Variants in HDAC9 observed in about 807,000 individuals in gnomAD.
HDAC9 encodes the protein MEF-2 interacting transcription repressor (MITR) protein.
In HDAC9, 41 loss-of-function variants were observed where a neutral mutation model predicts 139.4. The ratio of observed to expected loss-of-function variants is 0.29; its 90% CI spans 0.23 to 0.38. The LOEUF (loss-of-function observed/expected upper bound fraction) is 0.38, where lower values mean the gene tolerates loss of function less well. HDAC9 is among the 10% of genes least tolerant of loss of function. HDAC9 has a pLI of 1.00. For missense variants in HDAC9, 1,147 were observed against 1,297.0 expected (o/e 0.88, Z 1.78); for synonymous variants, 517 against 476.2 (o/e 1.09, Z -1.12).
chr7:18,295,195 A>T (rs929175803), intron 1 of HDAC9, among the ~76,000 whole-genome samples: 1 of 152,168 alleles, frequency 6.6e-6, no homozygotes, highest in Non-Finnish European at 1.5e-5. Flanking sequence ...TCCAAAATTT[A>T]GAAGACAGAG....
At chr7:18,165,379 T>C (rs79004846) in intron 2 of HDAC9, among the ~76,000 whole-genome samples, 3,173 of 152,306 alleles carry the variant, frequency 0.021, 51 homozygotes, top group Non-Finnish European at 0.034. Context: ...TGTTTCATAT[T>C]TGGAGACTAT....
intron 16 of HDAC9, among the ~76,000 whole-genome samples, chr7:18,788,919 C>T (rs1792057129): frequency 6.6e-6 from 1 of 152,048 alleles, no homozygotes; most frequent in Non-Finnish European, 1.5e-5. Context: ...TCTTTCAGGA[C>T]CAGAAGAGAT....
chr7:18,718,591 A>G (rs971771302), intron 12 of HDAC9, among the ~76,000 whole-genome samples: 1 of 152,134 alleles, frequency 6.6e-6, no homozygotes, highest in African/African-American at 2.4e-5. Context: ...ATGTTGTAGC[A>G]TGTATCACTG....
Position 19,000,590 on chromosome 7 carries a change from T to A in HDAC9, c.*4528T>A, listed in dbSNP as rs370271978. ...ACATTAAATACAATTAAGTCCGTTA[T>A]TACTATGCTGGAAATAACTAGGTCA... is the stretch of plus-strand genomic sequence containing the variant. On this transcript the variant is annotated 3_prime_UTR_variant, in exon 26 of 26. Transcript: ENST00000686413. 1 of 152,242 alleles carries A rather than the reference T, an allele frequency of 6.6e-6. No individual in the cohort carries two copies. Among genetic ancestry groups the A allele is most frequent in the East Asian group, 1.9e-4 (1 of 5,202 alleles). 9.4% of individuals were successfully genotyped at this position (152,242 alleles called of 1,614,324 possible).
At chr7:18,784,063 G>A (rs557292889) in intron 16 of HDAC9, among the ~76,000 whole-genome samples, 1 of 151,792 alleles carries the variant, frequency 6.6e-6, no homozygotes, top group African/African-American at 2.4e-5. Context: ...ATTTGAACAC[G>A]TGGCTACTTC....
chr7:18,750,761 T>A (rs932664219), intron 14 of HDAC9, among the ~76,000 whole-genome samples: 1 of 152,202 alleles, frequency 6.6e-6, no homozygotes, highest in Non-Finnish European at 1.5e-5. Flanking sequence ...GGAGAATTAT[T>A]TGTGGTAGGC....
chr7:18,988,619 G>GTTTAC (rs1486196073), intron 25 of HDAC9, among the ~76,000 whole-genome samples: 1 of 152,124 alleles, frequency 6.6e-6, no homozygotes, highest in African/African-American at 2.4e-5. Flanking sequence ...GAGTATCCTT[G>GTTTAC]TTTACTTTCT....
At chr7:18,624,680 G>C (rs1841161840) in intron 6 of HDAC9, among the ~76,000 whole-genome samples, 1 of 151,986 alleles carries the variant, frequency 6.6e-6, no homozygotes, top group Non-Finnish European at 1.5e-5. Flanking sequence ...GGGGAGACCA[G>C]AGCATTAAAA....
intron 17 of HDAC9, among the ~76,000 whole-genome samples, chr7:18,796,092 T>G (rs943168315): frequency 6.6e-6 from 1 of 152,202 alleles, no homozygotes; most frequent in African/African-American, 2.4e-5. Context: ...CATGTTACGA[T>G]ACCACATCGT....
At chr7:18,309,832 T>A (rs1040126514) in intron 1 of HDAC9, among the ~76,000 whole-genome samples, 6 of 152,146 alleles carry the variant, frequency 3.9e-5, no homozygotes, top group Non-Finnish European at 8.8e-5. Context: ...TATCTAGAGT[T>A]TTAAAAAATA....
intron 1 of HDAC9, among the ~76,000 whole-genome samples, chr7:18,334,778 T>G (rs1324170723): frequency 6.6e-6 from 1 of 151,410 alleles, no homozygotes; most frequent in Non-Finnish European, 1.5e-5. Context: ...ACAGAGGAAG[T>G]TCAGGTTCGA....
rs73069039 is a variant in HDAC9 at position 18,686,456 on chromosome 7, A to G, written c.1731+19980A>G. On this transcript the variant is annotated intron_variant, in intron 12 of 25. Coordinates refer to ENST00000686413, the MANE Select transcript of HDAC9 (RefSeq NM_178425.4). ...ATTTTTAATTCTTCTATTCATCTCT[A>G]GTTCATAAAGCTTACATCTTGTGGT... Among the ~76,000 whole-genome samples, 1,452 of 151,978 alleles carry G rather than the reference A, an allele frequency of 9.6e-3. 6 individuals carry two copies. Among genetic ancestry groups the G allele is most frequent in the Non-Finnish European group, 0.015 (1,045 of 67,868 alleles).
intron 1 of HDAC9, among the ~76,000 whole-genome samples, chr7:18,311,630 C>T (rs2128625482): frequency 6.6e-6 from 1 of 152,224 alleles, no homozygotes; most frequent in Admixed American, 6.5e-5. Context: ...GGTAGTCTGT[C>T]TCCAAAGCCC....
chr7:18,904,448 G>A (rs1374224179), intron 22 of HDAC9, among the ~76,000 whole-genome samples: 1 of 151,984 alleles, frequency 6.6e-6, no homozygotes, highest in Non-Finnish European at 1.5e-5. Flanking sequence ...ATATGTCACA[G>A]GGATGAATTT....
chr7:18,350,399 C>T (rs1782762016), intron 1 of HDAC9, among the ~76,000 whole-genome samples: 1 of 152,146 alleles, frequency 6.6e-6, no homozygotes, highest in Non-Finnish European at 1.5e-5. Context: ...TGACAATACT[C>T]ATCTAATTTC....
chr7:18,943,728 C>A (rs1048684735), intron 23 of HDAC9, among the ~76,000 whole-genome samples: 1 of 152,056 alleles, frequency 6.6e-6, no homozygotes, highest in Non-Finnish European at 1.5e-5. Context: ...GGAATTCCTG[C>A]AATATCTCAT....
intron 24 of HDAC9, among the ~76,000 whole-genome samples, chr7:18,974,532 G>C (rs1477659759): frequency 6.6e-6 from 1 of 152,106 alleles, no homozygotes; most frequent in Non-Finnish European, 1.5e-5. Context: ...TGGATTCATT[G>C]ACAGAATTGT....
chr7:18,997,995 T>C lies in HDAC9; in HGVS notation c.*1933T>C, dbSNP rs572646381. 5 of 152,212 alleles carry C rather than the reference T, an allele frequency of 3.3e-5. No homozygotes were observed. The highest frequency in any genetic ancestry group is 2.9e-5 in the Non-Finnish European group (2 of 68,016). The allele number at this position is 152,212 out of a possible 1,614,324, so 9.4% of individuals were successfully genotyped here. Reference sequence around the variant, plus strand: ...ATTCATAGTAGTAATCAATTTTTTATAAATTTTATTTTCATGAGAAATTCA... The same window carrying C: ...ATTCATAGTAGTAATCAATTTTTTACAAATTTTATTTTCATGAGAAATTCA... On this transcript the variant is annotated 3_prime_UTR_variant, in exon 26 of 26. Transcript: ENST00000686413.
intron 1 of HDAC9, among the ~76,000 whole-genome samples, chr7:18,157,802 CAT>C (rs1456184132): frequency 2.3e-5 from 2 of 86,224 alleles, no homozygotes; most frequent in African/African-American, 1.0e-4. Context: ...GGTTCTAAGG[CAT>C]GAGAGAGAGA....
Sources: allele counts gnomAD v4.1 joint callset (sites outside exome capture counted in the v4.1 genomes callset), GRCh38; gene constraint gnomAD v4.1.1; transcripts MANE v1.5; gene names NCBI Gene and HGNC (gene_info 2026-07-23, HGNC 2026-07-21).